Variants in PPP3CA observed in about 807,000 individuals in gnomAD.
PPP3CA encodes CAM-PRP catalytic subunit.
In PPP3CA, 14 loss-of-function variants were observed where a neutral mutation model predicts 66.5. The observed-to-expected ratio is 0.21, with a 90% CI of 0.14 to 0.33. The LOEUF is 0.33. Ranked by LOEUF, PPP3CA falls within the 10% of genes least tolerant of loss-of-function variation. The pLI, the probability that PPP3CA is intolerant of heterozygous loss-of-function variation, is 1.00. For synonymous variants in PPP3CA, 232 were observed against 226.2 expected (o/e 1.03, Z -0.23); for missense variants, 317 against 639.5 (o/e 0.50, Z 5.44).
intron 8 of PPP3CA, among the ~76,000 whole-genome samples, chr4:101,072,713 T>C (rs1463303754): frequency 6.6e-6 from 1 of 152,026 alleles, no homozygotes; most frequent in Non-Finnish European, 1.5e-5. Flanking sequence ...ATTTGCTAAA[T>C]ATATAACCAA....
intron 1 of PPP3CA, among the ~76,000 whole-genome samples, chr4:101,233,042 T>C (rs929816537): frequency 1.3e-5 from 2 of 150,894 alleles, no homozygotes; most frequent in Non-Finnish European, 3.0e-5. Context: ...CTTTGTTTTT[T>C]AATCTGTAAC....
chr4:101,102,068 T>C (rs1730466637), intron 3 of PPP3CA, among the ~76,000 whole-genome samples: 1 of 152,206 alleles, frequency 6.6e-6, no homozygotes, highest in Admixed American at 6.5e-5. Flanking sequence ...GCGGGATATA[T>C]AAATGCACGA....
chr4:101,077,965 G>C (rs1729265589), intron 8 of PPP3CA, among the ~76,000 whole-genome samples: 1 of 151,958 alleles, frequency 6.6e-6, no homozygotes, highest in Non-Finnish European at 1.5e-5. Context: ...AAAGAGTCTA[G>C]GTTTGTTTTT....
chr4:101,287,559 C>G (rs754962547), intron 1 of PPP3CA, among the ~76,000 whole-genome samples: 2 of 152,162 alleles, frequency 1.3e-5, no homozygotes, highest in African/African-American at 2.4e-5. Flanking sequence ...GTGTGAAGTT[C>G]AGACACCCTG....
intron 1 of PPP3CA, among the ~76,000 whole-genome samples, chr4:101,302,770 C>T (rs985226948): frequency 6.6e-6 from 1 of 152,160 alleles, no homozygotes; most frequent in Non-Finnish European, 1.5e-5. Context: ...CCCAGAACCA[C>T]AAGAGTGATT....
Position 101,073,706 on chromosome 4 carries a change from T to C in PPP3CA, c.955+6826A>G, listed in dbSNP as rs539811195. On this transcript the variant is annotated intron_variant, in intron 8 of 13. Transcript: ENST00000394854. ...TAATCATTAAGAATAAATTATCTTC[T>C]AGTGTGTATGATTCTATCATACCCA... is the stretch of plus-strand genomic sequence containing the variant. 4.6e-5 allele frequency among the ~76,000 whole-genome samples: 7 copies of C among 152,334 alleles called. No homozygotes were observed. The South Asian group carries it at 1.4e-3, about 32-fold the overall frequency.
At chr4:101,096,233 GA>G (rs1730190558) in intron 5 of PPP3CA, among the ~76,000 whole-genome samples, 1 of 152,088 alleles carries the variant, frequency 6.6e-6, no homozygotes, top group Non-Finnish European at 1.5e-5. Context: ...TATTTTACCT[GA>G]AAATAATTTT....
chr4:101,123,687 C>A (rs969473605), intron 2 of PPP3CA, among the ~76,000 whole-genome samples: 3 of 151,998 alleles, frequency 2.0e-5, no homozygotes, highest in African/African-American at 7.3e-5. Context: ...AAAAAAACCC[C>A]CCAAAAGATT....
chr4:101,172,952 T>C (rs1723933306), intron 2 of PPP3CA, among the ~76,000 whole-genome samples: 1 of 152,208 alleles, frequency 6.6e-6, no homozygotes, highest in African/African-American at 2.4e-5. Context: ...ATTAGATTTG[T>C]TTGCACTGAA....
At chr4:101,215,405 T>A (rs1288489210) in intron 1 of PPP3CA, among the ~76,000 whole-genome samples, 5 of 152,224 alleles carry the variant, frequency 3.3e-5, no homozygotes, top group African/African-American at 1.2e-4. Flanking sequence ...AATGCTTTAA[T>A]TACATGCATT....
intron 1 of PPP3CA, among the ~76,000 whole-genome samples, chr4:101,315,160 G>A (rs1015662435): frequency 6.6e-6 from 1 of 152,076 alleles, no homozygotes; most frequent in Admixed American, 6.6e-5. Context: ...AGAGGCCCAA[G>A]GCATCTTGTT....
chr4:101,329,636 C>CAT (rs1216976789), intron 1 of PPP3CA, among the ~76,000 whole-genome samples: 1 of 152,098 alleles, frequency 6.6e-6, no homozygotes, highest in East Asian at 1.9e-4. Flanking sequence ...AAAGGACAGG[C>CAT]TGACTCTCTT....
At chr4:101,111,113 T>C (rs1427655746) in intron 2 of PPP3CA, among the ~76,000 whole-genome samples, 5 of 152,212 alleles carry the variant, frequency 3.3e-5, no homozygotes, top group African/African-American at 9.6e-5. Flanking sequence ...ATAGTTGGTA[T>C]GGATTACTTA....
intron 2 of PPP3CA, among the ~76,000 whole-genome samples, chr4:101,148,508 T>C (rs1220784658): frequency 2.0e-5 from 3 of 152,168 alleles, no homozygotes; most frequent in Admixed American, 2.0e-4. Context: ...TTTTTTATAC[T>C]TACAAATAGT....
At chr4:101,128,835 C>G (rs1722332742) in intron 2 of PPP3CA, among the ~76,000 whole-genome samples, 1 of 152,116 alleles carries the variant, frequency 6.6e-6, no homozygotes, top group Non-Finnish European at 1.5e-5. Context: ...TGGGCAGGCA[C>G]CAAGCTAGCT....
chr4:101,045,065 G>C (rs1389372827), intron 10 of PPP3CA, among the ~76,000 whole-genome samples: 1 of 152,204 alleles, frequency 6.6e-6, no homozygotes, highest in Non-Finnish European at 1.5e-5. Context: ...CTACTACTGT[G>C]AATTCTTCAG....
At chr4:101,341,194 CTTTTT>C (rs1287494236) in intron 1 of PPP3CA, among the ~76,000 whole-genome samples, 1 of 106,794 alleles carries the variant, frequency 9.4e-6, no homozygotes, top group East Asian at 2.7e-4. Context: ...TGGCCATTTT[CTTTTT>C]TTCTTTTTCT....
At chr4:101,342,392 A>G (rs1433605704) in intron 1 of PPP3CA, among the ~76,000 whole-genome samples, 5 of 152,310 alleles carry the variant, frequency 3.3e-5, no homozygotes, top group African/African-American at 1.2e-4. Context: ...TTTTACAACA[A>G]TGCACTTGTG....
intron 1 of PPP3CA, among the ~76,000 whole-genome samples, chr4:101,313,840 A>T (rs1487543991): frequency 6.6e-6 from 1 of 152,340 alleles, no homozygotes; most frequent in Middle Eastern, 3.4e-3. Flanking sequence ...GATTTTTAAA[A>T]ACTCTATTAA....
Sources: gnomAD v4.1 joint callset for allele counts (sites outside exome capture counted in the v4.1 genomes callset) on GRCh38, gnomAD v4.1.1 for gene constraint, MANE v1.5 for transcripts, NCBI Gene and HGNC (gene_info 2026-07-23, HGNC 2026-07-21) for gene names.